Variants in CSMD1 observed in about 807,000 individuals in gnomAD.
CSMD1 encodes CUB and sushi domain-containing protein 1.
A neutral mutation model predicts 417.5 loss-of-function variants in CSMD1; 213 were observed. That is an observed-to-expected ratio of 0.51 (90% CI 0.46 to 0.57). The LOEUF is 0.57. CSMD1 is among the 20% of genes least tolerant of loss of function. The probability of loss-of-function intolerance (pLI) is 0.00; values close to 1 mark genes in which losing one functional copy is unlikely to be tolerated. For missense variants in CSMD1, 6,923 were observed against 4,529.7 expected, an observed-to-expected ratio of 1.53 and a Z score of -15.17; for synonymous variants, 2,862 against 1,736.8, an observed-to-expected ratio of 1.65 and a Z score of -16.11.
chr8:4,066,093 A>T (rs1799231271), intron 3 of CSMD1, among the ~76,000 whole-genome samples: 1 of 152,174 alleles, frequency 6.6e-6, no homozygotes, highest in Non-Finnish European at 1.5e-5. Flanking sequence ...AACAATGAAA[A>T]CAGTTCTGAG....
chr8:3,478,909 T>A (rs1174086564), intron 11 of CSMD1, among the ~76,000 whole-genome samples: 2 of 152,088 alleles, frequency 1.3e-5, no homozygotes, highest in Admixed American at 6.5e-5. Context: ...CTGAGTCTCT[T>A]CCCCACCCAG....
chr8:4,186,851 C>T (rs558524207), intron 3 of CSMD1, among the ~76,000 whole-genome samples: 16 of 142,302 alleles, frequency 1.1e-4, no homozygotes, highest in Admixed American at 1.0e-3. Flanking sequence ...AAAAAATCAG[C>T]CGGGCGTGGT....
intron 3 of CSMD1, among the ~76,000 whole-genome samples, chr8:4,320,035 A>C (rs1322166790): frequency 6.6e-6 from 1 of 152,170 alleles, no homozygotes; most frequent in Admixed American, 6.5e-5. Flanking sequence ...CTCAACAATG[A>C]AAAAAATGAG....
chr8:4,601,316 T>G (rs1221757958), intron 2 of CSMD1, among the ~76,000 whole-genome samples: 1 of 152,136 alleles, frequency 6.6e-6, no homozygotes, highest in Non-Finnish European at 1.5e-5. Flanking sequence ...AAGCAAAAGT[T>G]TGGAAGTCCC....
At chr8:4,289,681 G>C (rs1040359266) in intron 3 of CSMD1, among the ~76,000 whole-genome samples, 23 of 152,250 alleles carry the variant, frequency 1.5e-4, no homozygotes, top group Non-Finnish European at 2.4e-4. Context: ...CTCAAGACAT[G>C]AGCAAAACTT....
chr8:3,468,588 A>G (rs1816915147), intron 12 of CSMD1, 124 bp downstream of exon 12: 2 of 601,596 alleles, frequency 3.3e-6, no homozygotes, highest in Admixed American at 3.1e-5. Flanking sequence ...AGTTCCCGTC[A>G]TGATTCCTAT....
intron 5 of CSMD1, among the ~76,000 whole-genome samples, chr8:3,959,850 T>C (rs2627487): frequency 6.6e-6 from 1 of 152,012 alleles, no homozygotes; most frequent in Non-Finnish European, 1.5e-5. Context: ...AGAAAAACTT[T>C]CTATATTGTG....
At chr8:3,776,748 G>C (rs1459806763) in intron 5 of CSMD1, among the ~76,000 whole-genome samples, 1 of 149,218 alleles carries the variant, frequency 6.7e-6, no homozygotes, top group East Asian at 2.0e-4. Context: ...GATAAAGATA[G>C]GCAGAAAAAA....
intron 3 of CSMD1, among the ~76,000 whole-genome samples, chr8:4,403,690 T>G (rs936433391): frequency 6.6e-6 from 1 of 152,134 alleles, no homozygotes; most frequent in Non-Finnish European, 1.5e-5. Flanking sequence ...GTAACCAAAA[T>G]ACTCTTTTGA....
In CSMD1 at chr8:3,731,827, A is replaced by T. The variant is rs140468666; in HGVS notation, c.931+22103T>A. Among the ~76,000 whole-genome samples, 305 of 152,240 alleles carry T rather than the reference A, an allele frequency of 2.0e-3. 1 individual carries two copies. Among genetic ancestry groups the T allele is most frequent in the African/African-American group, 7.1e-3 (297 of 41,548 alleles). The stretch of plus-strand genomic sequence containing the variant: ...TGTGATGTTTCATTTACTCCTCACC[A>T]CCCATGAGTGAGTTTCCATCATTAT... On this transcript the variant is annotated intron_variant, in intron 6 of 69. Coordinates refer to ENST00000635120, the MANE Select transcript of CSMD1 (RefSeq NM_033225.6).
chr8:4,720,627 G>A (rs758554727), intron 1 of CSMD1, among the ~76,000 whole-genome samples: 14 of 152,160 alleles, frequency 9.2e-5, no homozygotes, highest in Non-Finnish European at 1.6e-4. Flanking sequence ...ATGTTGGCCA[G>A]GCTGCTCTCC....
intron 3 of CSMD1, among the ~76,000 whole-genome samples, chr8:4,057,650 GGTTTTTATA>G (rs373063678): frequency 0.56 from 83,548 of 150,364 alleles, 24,208 homozygotes; most frequent in Non-Finnish European, 0.65. Context: ...TTTCTTCTAG[GGTTTTTATA>G]GTTTTAGGTG....
intron 5 of CSMD1, among the ~76,000 whole-genome samples, chr8:3,987,222 A>G (rs1369212677): frequency 6.6e-6 from 1 of 151,928 alleles, no homozygotes; most frequent in Non-Finnish European, 1.5e-5. Flanking sequence ...AGCAGCACGC[A>G]CTCTTCCTGT....
chr8:3,373,850 C>T (rs1810134117), intron 18 of CSMD1: 1 of 152,060 alleles, frequency 6.6e-6, no homozygotes, highest in Non-Finnish European at 1.5e-5. Flanking sequence ...CATTAGAAAT[C>T]TTTTGGATGG....
chr8:3,170,996 T>C (rs1242362014), intron 37 of CSMD1, among the ~76,000 whole-genome samples: 2 of 152,220 alleles, frequency 1.3e-5, no homozygotes, highest in Non-Finnish European at 2.9e-5. Flanking sequence ...ATATAATTAA[T>C]GATCTGCTCA....
At chr8:3,228,971 T>C (rs903131538) in intron 27 of CSMD1, among the ~76,000 whole-genome samples, 22 of 152,042 alleles carry the variant, frequency 1.4e-4, no homozygotes, top group Admixed American at 1.3e-4. Flanking sequence ...GCACCAGACA[T>C]TAAACACACA....
At chr8:3,420,349 G>C (rs1039494500) in intron 12 of CSMD1, among the ~76,000 whole-genome samples, 1 of 151,290 alleles carries the variant, frequency 6.6e-6, no homozygotes, top group Non-Finnish European at 1.5e-5. Context: ...TAACAATTCA[G>C]AGGGACCAGA....
At chr8:3,280,950 T>TA (rs1259154878) in intron 26 of CSMD1, among the ~76,000 whole-genome samples, 2 of 152,310 alleles carry the variant, frequency 1.3e-5, no homozygotes, top group Middle Eastern at 3.4e-3. Flanking sequence ...CAGTGATTGT[T>TA]AAAACAGGAA....
intron 5 of CSMD1, among the ~76,000 whole-genome samples, chr8:3,784,820 A>G (rs557397051): frequency 1.3e-5 from 2 of 152,350 alleles, no homozygotes; most frequent in African/African-American, 4.8e-5. Context: ...TGCTTGCACC[A>G]TTTCCGCTGA....
Sources: gnomAD v4.1 joint callset for allele counts (sites outside exome capture counted in the v4.1 genomes callset) on GRCh38, gnomAD v4.1.1 for gene constraint, MANE v1.5 for transcripts, NCBI Gene and HGNC (gene_info 2026-07-23, HGNC 2026-07-21) for gene names.